CD38: variants seen among roughly 807,000 people sequenced by gnomAD.
CD38 encodes the protein ADP-ribosyl cyclase/cyclic ADP-ribose hydrolase 1.
CD38 carries 31 observed loss-of-function variants against 36.3 expected under a neutral mutation model. That is an observed-to-expected ratio of 0.85 (90% CI 0.64 to 1.15). CD38 has a LOEUF of 1.15. CD38 is among the 50% of genes most tolerant of loss of function. The pLI is 0.00. For missense variants in CD38, 380 were observed against 371.9 expected, an observed-to-expected ratio of 1.02 and a Z score of -0.18; for synonymous variants, 131 against 135.2, an observed-to-expected ratio of 0.97 and a Z score of 0.22.
chr4:15,836,206 C>A (rs1724066964), intron 4 of CD38, among the ~76,000 whole-genome samples: 1 of 152,036 alleles, frequency 6.6e-6, no homozygotes, highest in Non-Finnish European at 1.5e-5. Context: ...CTTGGGAAAT[C>A]CAGGATTAAG....
intron 1 of CD38, among the ~76,000 whole-genome samples, chr4:15,785,535 T>TTC (rs1560305366): frequency 8.4e-6 from 1 of 119,570 alleles, no homozygotes; most frequent in African/African-American, 4.6e-5. Flanking sequence ...AGAACGTTCC[T>TTC]TTTCTTTTTT....
chr4:15,785,958 C>T (rs1167070569), intron 1 of CD38, among the ~76,000 whole-genome samples: 2 of 152,090 alleles, frequency 1.3e-5, no homozygotes, highest in Non-Finnish European at 2.9e-5. Context: ...AGCTGCAGAC[C>T]TTCACGGTGA....
At position 15,841,621 on chromosome 4, in the gene CD38, G is replaced by T. The variant is rs1464369197; in HGVS notation, c.839+1083G>T. ...CCAGCGTGAGCGACGCAGAAGACGG[G>T]TGATTTCTGCATTTCCATCTGAGGT... On this transcript the variant is annotated intron_variant, in intron 7 of 7. Transcript: ENST00000226279. Among the ~76,000 whole-genome samples, 6 of 150,350 alleles carry T rather than the reference G, an allele frequency of 4.0e-5. 1 individual carries two copies. Among genetic ancestry groups the T allele is most frequent in the Admixed American group, 4.0e-4 (6 of 15,178 alleles).
intron 1 of CD38, among the ~76,000 whole-genome samples, chr4:15,815,339 A>T (rs1158052402): frequency 6.6e-6 from 1 of 152,220 alleles, no homozygotes. Context: ...ATAGCATTGA[A>T]TCTATCAATT....
intron 1 of CD38, among the ~76,000 whole-genome samples, chr4:15,798,682 C>T (rs1187761628): frequency 2.6e-5 from 4 of 152,334 alleles, no homozygotes; most frequent in Middle Eastern, 3.4e-3. Flanking sequence ...TTTGTTGTAT[C>T]ACTTTATTTT....
At chr4:15,824,542 A>G (rs938737748) in intron 2 of CD38, among the ~76,000 whole-genome samples, 1 of 152,108 alleles carries the variant, frequency 6.6e-6, no homozygotes, top group Non-Finnish European at 1.5e-5. Context: ...GTTTTTTTGG[A>G]GATAACCTTA....
At chr4:15,834,018 T>G (rs1388764294) in intron 3 of CD38, among the ~76,000 whole-genome samples, 199 bp from the exon 4 acceptor site, 1 of 152,144 alleles carries the variant, frequency 6.6e-6, no homozygotes, top group Non-Finnish European at 1.5e-5. Flanking sequence ...CATCTGGGAT[T>G]TGGAAGATAA....
intron 1 of CD38, among the ~76,000 whole-genome samples, chr4:15,811,404 T>G (rs1723466333): frequency 6.6e-6 from 1 of 152,214 alleles, no homozygotes; most frequent in South Asian, 2.1e-4. Context: ...TAATTTTACC[T>G]TTTATATTTA....
At chr4:15,828,105 A>G (rs139241186) in intron 3 of CD38, among the ~76,000 whole-genome samples, 3 of 152,230 alleles carry the variant, frequency 2.0e-5, no homozygotes, top group Admixed American at 2.0e-4. Flanking sequence ...ACCTTGACCT[A>G]CCAGGCTCAG....
chr4:15,785,159 GGGGA>G (rs1319057280), intron 1 of CD38, among the ~76,000 whole-genome samples: 2 of 152,094 alleles, frequency 1.3e-5, no homozygotes, highest in African/African-American at 4.8e-5. Context: ...AGTTACAAAT[GGGGA>G]AGTGAGACTA....
chr4:15,807,540 CTGAG>C (rs111804711), intron 1 of CD38, among the ~76,000 whole-genome samples: 15,234 of 152,140 alleles, frequency 0.1, 1,214 homozygotes, highest in African/African-American at 0.21. Context: ...AGGCCAGCTC[CTGAG>C]TGTCAGGGGG....
At chr4:15,806,457 A>G (rs2148919757) in intron 1 of CD38, among the ~76,000 whole-genome samples, 1 of 152,322 alleles carries the variant, frequency 6.6e-6, no homozygotes, top group South Asian at 2.1e-4. Flanking sequence ...TAGTCTCTTT[A>G]TTTCTAAAAC....
chr4:15,790,447 G>A (rs1722944413), intron 1 of CD38, among the ~76,000 whole-genome samples: 1 of 152,076 alleles, frequency 6.6e-6, no homozygotes, highest in Non-Finnish European at 1.5e-5. Flanking sequence ...CGAGGTGCCG[G>A]GATTGCGGAC....
chr4:15,848,725 C>A lies in CD38; in HGVS notation c.*123C>A, dbSNP rs1317519536. The A allele has an allele frequency of 6.1e-6, 4 of 652,888 alleles. No individual in the cohort carries two copies. Among genetic ancestry groups the A allele is most frequent in the African/African-American group, 1.8e-5 (1 of 55,456 alleles). The allele number at this position is 652,888 out of a possible 1,614,324, so 40.4% of individuals were successfully genotyped here. On this transcript the variant is annotated 3_prime_UTR_variant, in exon 8 of 8. Coordinates refer to ENST00000226279, the MANE Select transcript of CD38 (RefSeq NM_001775.4). ...AGGGTCCTCCACAATAAGGTCAATG[C>A]CAGAGACGGAAGCCTTTTTCCCCAA...
intron 5 of CD38, among the ~76,000 whole-genome samples, chr4:15,839,043 T>G (rs1456962361): frequency 1.3e-5 from 2 of 152,194 alleles, no homozygotes; most frequent in Admixed American, 1.3e-4. Context: ...CACATAAGGC[T>G]GACTGAAAGG....
At chr4:15,783,744 C>A (rs1722747094) in intron 1 of CD38, among the ~76,000 whole-genome samples, 1 of 152,158 alleles carries the variant, frequency 6.6e-6, no homozygotes, top group Non-Finnish European at 1.5e-5. Context: ...TTTTCTGATT[C>A]ATGTTCATGT....
intron 1 of CD38, among the ~76,000 whole-genome samples, chr4:15,814,993 G>C (rs1259806201): frequency 3.3e-5 from 5 of 152,004 alleles, no homozygotes; most frequent in Non-Finnish European, 7.4e-5. Context: ...TTTTAGTAGA[G>C]ATGGGGTTTC....
intron 2 of CD38, among the ~76,000 whole-genome samples, chr4:15,819,431 G>A (rs1723684519): frequency 6.6e-6 from 1 of 151,314 alleles, no homozygotes; most frequent in African/African-American, 2.4e-5. Context: ...GGCTTCAGAA[G>A]ATGCATAATA....
chr4:15,833,700 A>C (rs780604344), intron 3 of CD38, among the ~76,000 whole-genome samples: 2 of 152,208 alleles, frequency 1.3e-5, no homozygotes, highest in Non-Finnish European at 2.9e-5. Flanking sequence ...TGACACAGAA[A>C]CTATGTATTC....
Sources: gnomAD v4.1 joint callset for allele counts (sites outside exome capture counted in the v4.1 genomes callset) on GRCh38, gnomAD v4.1.1 for gene constraint, MANE v1.5 for transcripts, NCBI Gene and HGNC (gene_info 2026-07-23, HGNC 2026-07-21) for gene names.